Variants in ADAD1 observed in about 807,000 individuals in gnomAD.
The protein encoded by ADAD1 is adenosine deaminase domain containing 1, also known as adenosine deaminase domain-containing protein 1.
In ADAD1, 46 loss-of-function variants were observed where a neutral mutation model predicts 66.8. The observed-to-expected ratio is 0.69, with a 90% CI of 0.54 to 0.88. ADAD1 has a LOEUF of 0.88. ADAD1 is among the 40% of genes least tolerant of loss of function. The probability of loss-of-function intolerance (pLI) is 0.00; values close to 1 mark genes in which losing one functional copy is unlikely to be tolerated. For synonymous variants in ADAD1, 248 were observed against 229.4 expected (o/e 1.08, Z -0.73); for missense variants, 617 against 681.8 (o/e 0.91, Z 1.06).
chr4:122,407,854 T>C (rs991302368), intron 7 of ADAD1, 54 bp from the exon 8 acceptor site: 1 of 1,585,428 alleles, frequency 6.3e-7, no homozygotes, highest in South Asian at 1.2e-5. Flanking sequence ...AAGAGGTGAA[T>C]GTAGGGAAGA....
At chr4:122,407,142 G>A (rs1162115654) in intron 7 of ADAD1, among the ~76,000 whole-genome samples, 1 of 152,050 alleles carries the variant, frequency 6.6e-6, no homozygotes, top group East Asian at 1.9e-4. Context: ...AAATCCATTA[G>A]GCGGTTGTGA....
Position 122,380,993 on chromosome 4 carries a change from TA to T in ADAD1, c.176del (p.Asn59IlefsTer29), listed in dbSNP as rs757673531. 6.3e-7 allele frequency: 1 copy of T among 1,584,810 alleles called. No homozygotes were observed. On this transcript the variant is annotated frameshift_variant and splice_region_variant, in exon 4 of 13. Coordinates refer to ENST00000296513, the MANE Select transcript of ADAD1 (RefSeq NM_139243.4). LOFTEE classifies it high-confidence loss of function. ...MASKVTQVTG[N>X]FPEPLLSKNL... is the part of the protein sequence containing the mutation. Reference sequence around the variant, plus strand: ...GACAAGTATAACATTTGTTTTTAGGTAATTTTCCAGAGCCGTTGCTTTCCAA... The same window carrying T: ...GACAAGTATAACATTTGTTTTTAGGTATTTTCCAGAGCCGTTGCTTTCCAA...
chr4:122,383,950 A>T lies in ADAD1; in HGVS notation c.513A>T (p.Arg171=), dbSNP rs1359087539. The stretch of plus-strand genomic sequence containing the variant: ...TACAACTGGATGAACCTGAACCACG[A>T]ATTTTAGAAACATCAGGTAAATACT... ...ELLQLDEPEP[R]ILETSGPPPF... is the part of the protein sequence containing the mutation. The change falls in exon 5 of 13, where the codon CGA becomes CGT. Residue 171 remains arginine (R), a synonymous_variant. Transcript: ENST00000296513. 4.4e-6 allele frequency: 7 copies of T among 1,607,354 alleles called. No homozygotes were observed. The highest frequency in any genetic ancestry group is 1.3e-5 in the African/African-American group (1 of 74,416).
At chr4:122,382,052 A>G (rs2150526680) in intron 4 of ADAD1, among the ~76,000 whole-genome samples, 1 of 152,374 alleles carries the variant, frequency 6.6e-6, no homozygotes, top group African/African-American at 2.4e-5. Flanking sequence ...AACAGGTGAC[A>G]GAAATAGTAT....
rs111434268 is a variant in ADAD1 at position 122,417,105 on chromosome 4, C to T, written c.1487+1489C>T. On this transcript the variant is annotated intron_variant, in intron 11 of 12. Transcript: ENST00000296513. ...ACCCCAAGACTTTGGGAGGCTGAGG[C>T]GGGCAGATCAGCTGAGGTCAGGAGT... Among the ~76,000 whole-genome samples the T allele has an allele frequency of 4.1e-3, 617 of 152,166 alleles. 4 individuals carry two copies. The highest frequency in any genetic ancestry group is 0.014 in the African/African-American group (587 of 41,528).
intron 7 of ADAD1, among the ~76,000 whole-genome samples, chr4:122,405,891 T>C (rs1796186717): frequency 6.6e-6 from 1 of 152,220 alleles, no homozygotes; most frequent in Non-Finnish European, 1.5e-5. Flanking sequence ...TTCATTCATA[T>C]TGTTGAAAAT....
At chr4:122,406,985 A>G (rs1000475149) in intron 7 of ADAD1, among the ~76,000 whole-genome samples, 1 of 152,012 alleles carries the variant, frequency 6.6e-6, no homozygotes, top group Non-Finnish European at 1.5e-5. Context: ...TCATGAAGGT[A>G]TGTCTTGCTC....
At chr4:122,425,699 A>C (rs1180064478) in intron 12 of ADAD1, among the ~76,000 whole-genome samples, 39 of 152,004 alleles carry the variant, frequency 2.6e-4, no homozygotes, top group African/African-American at 8.9e-4. Context: ...TATTATAAAT[A>C]ATCTAGGGAT....
intron 3 of ADAD1, chr4:122,380,448 A>G: frequency 1.7e-6 from 1 of 590,880 alleles, no homozygotes; most frequent in Non-Finnish European, 2.8e-6. Context: ...ATCTGTTACC[A>G]CCTTGACTGT....
At chr4:122,410,259 CT>C (rs1796409340) in intron 8 of ADAD1, among the ~76,000 whole-genome samples, 1 of 152,124 alleles carries the variant, frequency 6.6e-6, no homozygotes, top group Admixed American at 6.5e-5. Context: ...CCTCTTGGTG[CT>C]TATGGAATTA....
chr4:122,408,167 A>G (rs958631981), intron 8 of ADAD1, 136 bp downstream of exon 8: 4 of 898,660 alleles, frequency 4.5e-6, no homozygotes, highest in African/African-American at 1.7e-5. Flanking sequence ...TATCTAAGTC[A>G]TCGGATTAAT....
At chr4:122,406,426 TGAGTTGTGG>T (rs1292294082) in intron 7 of ADAD1, among the ~76,000 whole-genome samples, 4 of 152,198 alleles carry the variant, frequency 2.6e-5, no homozygotes, top group African/African-American at 7.2e-5. Context: ...TTTTTACTGT[TGAGTTGTGG>T]GAGTTACATA....
At chr4:122,398,812 TTGATGGG>T (rs1795833309) in intron 7 of ADAD1, among the ~76,000 whole-genome samples, 1 of 151,360 alleles carries the variant, frequency 6.6e-6, no homozygotes, top group African/African-American at 2.4e-5. Context: ...GCCCATTTTT[TTGATGGG>T]ATTATTTTTT....
intron 8 of ADAD1, 78 bp from the exon 9 acceptor site, chr4:122,411,144 C>T: frequency 8.7e-7 from 1 of 1,148,262 alleles, no homozygotes; most frequent in Non-Finnish European, 1.2e-6. Flanking sequence ...TTGCTTCTGA[C>T]ACATGTGGAC....
In ADAD1 at chr4:122,380,164, C is replaced by T. The variant is rs375116122; in HGVS notation, c.95C>T (p.Thr32Met). 8.1e-6 allele frequency: 13 copies of T among 1,614,042 alleles called. No individual in the cohort carries two copies. The highest frequency in any genetic ancestry group is 3.3e-4 in the Middle Eastern group (2 of 6,084). ...CTGCCAGTTCAACCAGCGACAAAGA[C>T]GATAACTACACCCACAGGATGGTCC... ...KNLPVQPATK[T>M]ITTPTGWSSE... Residue 32 changes from threonine (T) to methionine (M), a missense_variant, in exon 3 of 13, where the codon ACG (threonine) becomes ATG (methionine). Physicochemically the swap from Thr to Met is moderately conservative, Grantham distance 81. Transcript: ENST00000296513.
chr4:122,425,145 A>G (rs550528846), intron 12 of ADAD1, among the ~76,000 whole-genome samples: 2 of 152,208 alleles, frequency 1.3e-5, no homozygotes, highest in South Asian at 2.1e-4. Flanking sequence ...TTGATAGAAC[A>G]ACTCCACAGA....
Position 122,418,403 on chromosome 4 carries a change from AGGTTCACCTTCCT to A in ADAD1, c.1487+2795_1487+2807del, listed in dbSNP as rs1339235096. 4.9e-5 allele frequency among the ~76,000 whole-genome samples: 7 copies of A among 143,662 alleles called. No homozygotes were observed. The South Asian group carries it at 1.5e-3, about 31-fold the overall frequency. The allele number at this position is 143,662 out of a possible 152,430, so 94.2% of individuals were successfully genotyped here. ...CGGCTCACTGCAAGCTCCACCTTCC[AGGTTCACCTTCCT>A]GGTTCACGCCATTCTCCTGCCTCAG... On this transcript the variant is annotated intron_variant, in intron 11 of 12. Coordinates refer to ENST00000296513, the MANE Select transcript of ADAD1 (RefSeq NM_139243.4).
chr4:122,393,609 G>A lies in ADAD1; in HGVS notation c.550G>A (p.Glu184Lys). 1 of 1,599,378 alleles carries A rather than the reference G, an allele frequency of 6.3e-7. No homozygotes were observed. The highest frequency in any genetic ancestry group is 8.5e-7 in the Non-Finnish European group (1 of 1,174,422). The change falls in exon 6 of 13, where the codon GAA (glutamate) becomes AAA (lysine). Residue 184 changes from glutamate (E) to lysine (K), a missense_variant. Transcript: ENST00000296513. ...TACAGGTCCTCCTCCTTTCCCTGCA[G>A]AACCTGTTGTTTTATCTGAACTAGC... ...ETSGPPPFPA[E>K]PVVLSELAYV...
At chr4:122,411,102 T>C (rs764067369) in intron 8 of ADAD1, 120 bp from the exon 9 acceptor site, 3 of 760,152 alleles carry the variant, frequency 3.9e-6, no homozygotes, top group South Asian at 2.2e-5. Context: ...TAGGAGTTCT[T>C]ACCTGTGTCA....
Sources: allele counts gnomAD v4.1 joint callset (sites outside exome capture counted in the v4.1 genomes callset), GRCh38; gene constraint gnomAD v4.1.1; transcripts MANE v1.5; gene names NCBI Gene and HGNC (gene_info 2026-07-23, HGNC 2026-07-21).